Variants in XIRP2 observed in about 807,000 individuals in gnomAD.
XIRP2 encodes the protein xin actin binding repeat containing 2.
A neutral mutation model predicts 277.0 loss-of-function variants in XIRP2; 236 were observed. The ratio of observed to expected loss-of-function variants is 0.85; its 90% CI spans 0.77 to 0.95. The LOEUF is 0.95. Among genes scored for constraint, XIRP2 ranks in the 40% least tolerant of loss-of-function variants. XIRP2 has a pLI of 0.00. For synonymous variants in XIRP2, 1,490 were observed against 1,416.5 expected, an observed-to-expected ratio of 1.05 and a Z score of -1.17; for missense variants, 4,640 against 4,157.5, an observed-to-expected ratio of 1.12 and a Z score of -3.19.
intron 2 of XIRP2, among the ~76,000 whole-genome samples, chr2:167,100,716 A>G (rs1204259847): frequency 2.0e-5 from 3 of 152,224 alleles, no homozygotes; most frequent in East Asian, 1.9e-4. Context: ...GCTGGTTGAC[A>G]TGAAATCAAA....
intron 2 of XIRP2, among the ~76,000 whole-genome samples, chr2:167,026,832 T>C (rs1487595549): frequency 1.3e-5 from 2 of 152,136 alleles, no homozygotes; most frequent in Non-Finnish European, 2.9e-5. Context: ...TGTTGAATGT[T>C]GGCCCCCACT....
At chr2:167,205,013 G>T (rs901413961) in intron 3 of XIRP2, among the ~76,000 whole-genome samples, 1 of 152,072 alleles carries the variant, frequency 6.6e-6, no homozygotes, top group Non-Finnish European at 1.5e-5. Context: ...ACAATTTGTT[G>T]ATAGTGCTTC....
intron 3 of XIRP2, among the ~76,000 whole-genome samples, chr2:167,158,012 A>G (rs1692250777): frequency 6.6e-6 from 1 of 152,202 alleles, no homozygotes; most frequent in Non-Finnish European, 1.5e-5. Context: ...TCCACTTTAA[A>G]AGTGCTTTAA....
chr2:166,912,222 T>C (rs1013519052), intron 2 of XIRP2, among the ~76,000 whole-genome samples: 6 of 152,138 alleles, frequency 3.9e-5, no homozygotes, highest in Non-Finnish European at 7.4e-5. Context: ...TGGTTCCATT[T>C]TCCCCGTCAC....
At chr2:167,182,306 C>T (rs73027812) in intron 3 of XIRP2, among the ~76,000 whole-genome samples, 15,009 of 152,132 alleles carry the variant, frequency 0.099, 793 homozygotes, top group South Asian at 0.16. Context: ...TATGTTTGCT[C>T]TTTAATTCTA....
chr2:167,253,890 A>G, intron 9 of XIRP2, 142 bp from the exon 10 acceptor site: 2 of 918,310 alleles, frequency 2.2e-6, no homozygotes, highest in Non-Finnish European at 3.1e-6. Context: ...GTCTCTGTCC[A>G]GAGAAACATC....
At chr2:167,200,256 C>T (rs867044843) in intron 3 of XIRP2, among the ~76,000 whole-genome samples, 2 of 152,228 alleles carry the variant, frequency 1.3e-5, no homozygotes, top group South Asian at 4.1e-4. Flanking sequence ...CACAAAGCAG[C>T]AGGGACTTAA....
intron 3 of XIRP2, among the ~76,000 whole-genome samples, chr2:167,165,501 A>G (rs776619943): frequency 3.9e-5 from 6 of 152,214 alleles, no homozygotes; most frequent in African/African-American, 9.6e-5. Flanking sequence ...CATCTCCACC[A>G]GAATTTGATG....
intron 2 of XIRP2, among the ~76,000 whole-genome samples, chr2:167,033,528 G>C (rs1688423329): frequency 1.3e-5 from 2 of 152,098 alleles, no homozygotes; most frequent in South Asian, 2.1e-4. Context: ...GAAGGTTATA[G>C]AACAAGCAGA....
chr2:167,166,082 A>T (rs922612518), intron 3 of XIRP2, among the ~76,000 whole-genome samples: 5 of 152,158 alleles, frequency 3.3e-5, no homozygotes, highest in Admixed American at 3.3e-4. Flanking sequence ...ATTTGTTGAA[A>T]AGTCACTCTC....
chr2:167,037,387 ACT>A (rs1032594576), intron 2 of XIRP2, among the ~76,000 whole-genome samples: 5 of 151,936 alleles, frequency 3.3e-5, no homozygotes, highest in Non-Finnish European at 5.9e-5. Flanking sequence ...CTGTTTAGCA[ACT>A]CTCTCTCATT....
At chr2:166,939,011 A>G (rs1685611347) in intron 2 of XIRP2, among the ~76,000 whole-genome samples, 4 of 152,174 alleles carry the variant, frequency 2.6e-5, no homozygotes, top group Admixed American at 2.6e-4. Context: ...GGTCTCCTGA[A>G]TACAGCACAC....
chr2:166,902,412 G>A (rs1014831037), intron 1 of XIRP2, among the ~76,000 whole-genome samples: 1 of 151,988 alleles, frequency 6.6e-6, no homozygotes, highest in Non-Finnish European at 1.5e-5. Context: ...TATTGTGTTA[G>A]GTGACCTTCT....
chr2:166,902,357 A>C (rs1319515072), intron 1 of XIRP2, among the ~76,000 whole-genome samples: 1 of 152,106 alleles, frequency 6.6e-6, no homozygotes, highest in Non-Finnish European at 1.5e-5. Context: ...CCCCGTGCAT[A>C]AGATATTATT....
intron 2 of XIRP2, among the ~76,000 whole-genome samples, chr2:167,120,230 TG>T (rs1439697323): frequency 6.6e-6 from 1 of 152,152 alleles, no homozygotes; most frequent in Non-Finnish European, 1.5e-5. Context: ...CTTTGTCTCT[TG>T]GGGGCTGTAT....
chr2:167,106,628 CAATT>C (rs1690626505), intron 2 of XIRP2, among the ~76,000 whole-genome samples: 1 of 151,568 alleles, frequency 6.6e-6, no homozygotes, highest in Non-Finnish European at 1.5e-5. Flanking sequence ...AAATTCCTCC[CAATT>C]ACTTTATTTT....
chr2:167,076,009 T>C (rs1277797943), intron 2 of XIRP2, among the ~76,000 whole-genome samples: 1 of 152,046 alleles, frequency 6.6e-6, no homozygotes, highest in African/African-American at 2.4e-5. Flanking sequence ...TAATGAGCAC[T>C]CAGTTTGCAG....
At chr2:167,209,336 G>A (rs1217564739) in intron 3 of XIRP2, among the ~76,000 whole-genome samples, 7 of 152,108 alleles carry the variant, frequency 4.6e-5, no homozygotes, top group African/African-American at 1.4e-4. Flanking sequence ...CTCAACTGCT[G>A]TTGTGTACAT....
chr2:167,252,115 C>G (rs545437588), intron 9 of XIRP2, among the ~76,000 whole-genome samples, 168 bp downstream of exon 9: 2 of 152,068 alleles, frequency 1.3e-5, no homozygotes, highest in African/African-American at 4.8e-5. Context: ...CTTGCTTTTA[C>G]AACATTCTTT....
Sources: gnomAD v4.1 joint callset for allele counts (sites outside exome capture counted in the v4.1 genomes callset) on GRCh38, gnomAD v4.1.1 for gene constraint, MANE v1.5 for transcripts, NCBI Gene and HGNC (gene_info 2026-07-23, HGNC 2026-07-21) for gene names.